Variants in KCNQ5 observed in about 807,000 individuals in gnomAD.
The protein encoded by KCNQ5 is potassium voltage-gated channel subfamily KQT member 5.
Under a neutral mutation model 98.2 loss-of-function variants are expected in KCNQ5, and 30 were observed. That is an observed-to-expected ratio of 0.31 (90% CI 0.23 to 0.41). The LOEUF (loss-of-function observed/expected upper bound fraction) is 0.41. Ranked by LOEUF, KCNQ5 falls within the 10% of genes least tolerant of loss-of-function variation. KCNQ5 has a pLI of 1.00. For synonymous variants in KCNQ5, 458 were observed against 449.4 expected (o/e 1.02, Z -0.24); for missense variants, 835 against 1,182.5 (o/e 0.71, Z 4.31).
intron 7 of KCNQ5, among the ~76,000 whole-genome samples, chr6:73,118,136 T>G (rs1369104570): frequency 1.3e-5 from 2 of 152,228 alleles, no homozygotes; most frequent in Non-Finnish European, 2.9e-5. Flanking sequence ...CACACCTGCA[T>G]AACCAGCACT....
chr6:72,863,263 C>A (rs1034453177), intron 1 of KCNQ5, among the ~76,000 whole-genome samples: 1 of 152,146 alleles, frequency 6.6e-6, no homozygotes, highest in Non-Finnish European at 1.5e-5. Context: ...TTTTTCCAGA[C>A]CCTTACATGT....
At chr6:72,954,782 G>A (rs1362189217) in intron 1 of KCNQ5, among the ~76,000 whole-genome samples, 1 of 152,152 alleles carries the variant, frequency 6.6e-6, no homozygotes, top group Non-Finnish European at 1.5e-5. Context: ...TTCCATCTGT[G>A]TGGTAAAATT....
chr6:72,977,626 G>A (rs1050204532), intron 1 of KCNQ5, among the ~76,000 whole-genome samples: 1 of 152,080 alleles, frequency 6.6e-6, no homozygotes, highest in Non-Finnish European at 1.5e-5. Context: ...AGGGGTTTGG[G>A]GGTTTCACTT....
rs1370793728 is a variant in KCNQ5 at position 72,622,499 on chromosome 6, C to A, written c.310C>A (p.Arg104Ser). ...TTACACGAGTAGCCAGAGCTGCCGG[C>A]GCAACGTCAAGTACCGGCGGGTGCA... ...LSYTSSQSCRRNVKYRRVQNY... is the reference protein window; with the variant it reads ...LSYTSSQSCRSNVKYRRVQNY... The change falls in exon 1 of 14, where the codon CGC becomes AGC. Residue 104 changes from arginine to serine, a missense_variant. By Grantham distance (110) the Arg-to-Ser change is moderately radical. Transcript: ENST00000370398. This position sits in a 1 kb window ranked among gnomAD's most constrained non-coding sequence, Gnocchi z 6.0. The A allele has an allele frequency of 1.2e-6, 2 of 1,610,414 alleles. No homozygotes were observed. The highest frequency in any genetic ancestry group is 1.3e-5 in the African/African-American group (1 of 74,474).
In KCNQ5 at chr6:73,042,074, A is replaced by T; in HGVS notation, c.616+12A>T. 1 of 1,613,686 alleles carries T rather than the reference A, an allele frequency of 6.2e-7. No homozygotes were observed. The highest frequency in any genetic ancestry group is 8.5e-7 in the Non-Finnish European group (1 of 1,179,616). Reference sequence around the variant, plus strand: ...CTTCTGTGTTATAGGTGAATATCAGAGTCTCAGATACCTGGACTATGACAC... The same window carrying T: ...CTTCTGTGTTATAGGTGAATATCAGTGTCTCAGATACCTGGACTATGACAC... On this transcript the variant is annotated intron_variant, in intron 3 of 13. Coordinates refer to ENST00000370398, the MANE Select transcript of KCNQ5 (RefSeq NM_019842.4).
intron 1 of KCNQ5, among the ~76,000 whole-genome samples, chr6:72,829,008 ATATATT>A (rs1448672939): frequency 6.6e-6 from 1 of 152,160 alleles, no homozygotes; most frequent in Non-Finnish European, 1.5e-5. Flanking sequence ...ACATATATAG[ATATATT>A]TATATTTATA....
Position 72,670,470 on chromosome 6 carries a change from G to GT in KCNQ5, c.398+47891dup, listed in dbSNP as rs376036818. On this transcript the variant is annotated intron_variant, in intron 1 of 13. Coordinates refer to ENST00000370398, the MANE Select transcript of KCNQ5 (RefSeq NM_019842.4). ...CCACTTTAGAACTTTTAGGGTTTTT[G>GT]TTTTTTTTGTTTTTAGGTACTTTTT... 5.1e-4 allele frequency among the ~76,000 whole-genome samples: 77 copies of GT among 151,702 alleles called. 2 individuals carry two copies. The highest frequency in any genetic ancestry group is 1.2e-3 in the African/African-American group (48 of 41,368).
intron 11 of KCNQ5, among the ~76,000 whole-genome samples, chr6:73,188,203 A>G (rs1367213483): frequency 1.3e-5 from 2 of 152,226 alleles, no homozygotes; most frequent in African/African-American, 4.8e-5. Flanking sequence ...ATCTGGGTGG[A>G]ATCCTGATTT....
rs1554198956 is a variant in KCNQ5 at position 73,024,381 on chromosome 6, T to TGATAGATAGATAGATAGATAGATA, written c.490-17541_490-17518dup. Among the ~76,000 whole-genome samples the TGATAGATAGATAGATAGATAGATA allele has an allele frequency of 4.1e-4, 50 of 120,654 alleles. 2 individuals carry two copies. Among genetic ancestry groups the TGATAGATAGATAGATAGATAGATA allele is most frequent in the African/African-American group, 1.0e-3 (33 of 31,902 alleles). The allele number at this position is 120,654 out of a possible 152,430, so 79.2% of individuals were successfully genotyped here. A position where few individuals can be genotyped will look rare whatever the true frequency, so the allele number is the denominator to read the frequency against. ...TGAAAGCGATAGATAGATAGATAGA[T>TGATAGATAGATAGATAGATAGATA]GATAGATAGATAGATAGATAGATAG... On this transcript the variant is annotated intron_variant, in intron 2 of 13. Coordinates refer to ENST00000370398, the MANE Select transcript of KCNQ5 (RefSeq NM_019842.4).
At chr6:73,012,530 G>T (rs768163493) in intron 2 of KCNQ5, among the ~76,000 whole-genome samples, 71 of 152,182 alleles carry the variant, frequency 4.7e-4, no homozygotes, top group Middle Eastern at 3.4e-3. Flanking sequence ...GAAGAAAAGA[G>T]TTAGGGAGAT....
intron 3 of KCNQ5, chr6:73,055,927 G>A: frequency 4.1e-6 from 2 of 482,206 alleles, no homozygotes; most frequent in Non-Finnish European, 4.0e-6. Flanking sequence ...ATGTCACACT[G>A]ACCACATCTA....
At chr6:73,187,541 G>T (rs915997920) in intron 11 of KCNQ5, among the ~76,000 whole-genome samples, 15 of 152,138 alleles carry the variant, frequency 9.9e-5, no homozygotes, top group African/African-American at 3.4e-4. Context: ...TGGAAAAAAG[G>T]CAATACCACC....
At position 72,622,924 on chromosome 6, in the gene KCNQ5, G is replaced by A. The variant is rs1430666895; in HGVS notation, c.398+337G>A. On this transcript the variant is annotated intron_variant, in intron 1 of 13. Coordinates refer to ENST00000370398, the MANE Select transcript of KCNQ5 (RefSeq NM_019842.4). The surrounding 1 kb of genome is among the most constrained non-coding windows in gnomAD (Gnocchi z 6.0). The stretch of plus-strand genomic sequence containing the variant: ...CAAGATACGTAAACTTCAACCGAAC[G>A]GGGCGCCCGGGAGCTAGGGAATGCA... Among the ~76,000 whole-genome samples, 1 of 152,110 alleles carries A rather than the reference G, an allele frequency of 6.6e-6. No individual in the cohort carries two copies. The highest frequency in any genetic ancestry group is 1.5e-5 in the Non-Finnish European group (1 of 68,020).
intron 1 of KCNQ5, among the ~76,000 whole-genome samples, chr6:72,688,743 T>A (rs1457974545): frequency 6.6e-6 from 1 of 152,212 alleles, no homozygotes; most frequent in Non-Finnish European, 1.5e-5. Flanking sequence ...TGCATCGTAT[T>A]TATCTATAGA....
intron 5 of KCNQ5, among the ~76,000 whole-genome samples, chr6:73,086,748 T>A (rs1379277590): frequency 6.6e-6 from 1 of 152,218 alleles, no homozygotes; most frequent in East Asian, 1.9e-4. Flanking sequence ...TACAACAGAC[T>A]ATCACTCACG....
chr6:73,154,316 CAT>C (rs982290877), intron 10 of KCNQ5, among the ~76,000 whole-genome samples: 4 of 152,068 alleles, frequency 2.6e-5, no homozygotes, highest in African/African-American at 7.2e-5. Context: ...ACAATGGTCA[CAT>C]GATTGAGATT....
At chr6:73,151,881 A>G (rs1294926426) in intron 10 of KCNQ5, among the ~76,000 whole-genome samples, 3 of 152,204 alleles carry the variant, frequency 2.0e-5, no homozygotes, top group Non-Finnish European at 4.4e-5. Context: ...TAAAAAGATG[A>G]CATGATGACA....
At chr6:73,009,957 T>G (rs2150328798) in intron 2 of KCNQ5, among the ~76,000 whole-genome samples, 1 of 152,240 alleles carries the variant, frequency 6.6e-6, no homozygotes, top group African/African-American at 2.4e-5. Flanking sequence ...TTTAAAGAAC[T>G]AATATCAATC....
intron 1 of KCNQ5, among the ~76,000 whole-genome samples, chr6:72,841,803 G>A (rs531564122): frequency 3.3e-5 from 5 of 151,998 alleles, no homozygotes; most frequent in Non-Finnish European, 7.4e-5. Context: ...CTCATCTGTC[G>A]ACTTGTACCA....
Sources: gnomAD v4.1 joint callset for allele counts (sites outside exome capture counted in the v4.1 genomes callset) on GRCh38, gnomAD v4.1.1 for gene constraint, Gnocchi (gnomAD v3.1) non-coding constraint, MANE v1.5 for transcripts, NCBI Gene and HGNC (gene_info 2026-07-23, HGNC 2026-07-21) for gene names.